The following CTTNBP2NL variants were observed in gnomAD, a reference collection of about 807,000 sequenced individuals.
The protein encoded by CTTNBP2NL is CTTNBP2 N-terminal like.
Under a neutral mutation model 32.5 loss-of-function variants are expected in CTTNBP2NL, and 16 were observed. The observed-to-expected ratio is 0.49, with a 90% CI of 0.33 to 0.75. The LOEUF is 0.75. Among genes scored for constraint, CTTNBP2NL ranks in the 30% least tolerant of loss-of-function variants. CTTNBP2NL has a pLI of 0.02. For synonymous variants in CTTNBP2NL, 298 were observed against 289.4 expected (o/e 1.03, Z -0.30); for missense variants, 645 against 756.0 (o/e 0.85, Z 1.72).
intron 3 of CTTNBP2NL, among the ~76,000 whole-genome samples, chr1:112,423,956 C>A (rs1345504317): frequency 2.6e-5 from 4 of 152,220 alleles, no homozygotes. Context: ...CTCCTGACCT[C>A]AGGTGACCCA....
At chr1:112,398,821 A>G (rs931044836) in intron 1 of CTTNBP2NL, among the ~76,000 whole-genome samples, 2 of 150,640 alleles carry the variant, frequency 1.3e-5, no homozygotes. Context: ...TCTTAACAAA[A>G]AAAAAAAAAA....
intron 4 of CTTNBP2NL, among the ~76,000 whole-genome samples, chr1:112,453,778 C>T (rs1650290868): frequency 6.6e-6 from 1 of 151,896 alleles, no homozygotes; most frequent in Non-Finnish European, 1.5e-5. Flanking sequence ...TTTGTCTTCT[C>T]CTTAAAATTG....
intron 4 of CTTNBP2NL, among the ~76,000 whole-genome samples, chr1:112,452,470 G>A (rs1327735215): frequency 4.0e-5 from 6 of 148,498 alleles, no homozygotes; most frequent in Non-Finnish European, 7.4e-5. Context: ...TCAGCCTCCC[G>A]AGTAGCTGGG....
chr1:112,449,171 A>T lies in CTTNBP2NL; in HGVS notation c.329A>T (p.Lys110Met). ...QLAAAESRHR[K>M]VILDLEEERQ... Reference sequence around the variant, plus strand: ...GCTGCTGCTGAGAGCAGGCACCGAAAGGTAGGTTCACCTCAGTTGATGTGT... The same window carrying T: ...GCTGCTGCTGAGAGCAGGCACCGAATGGTAGGTTCACCTCAGTTGATGTGT... Residue 110 changes from lysine to methionine, a missense_variant and splice_region_variant, in exon 4 of 6, where the codon AAG becomes ATG. Coordinates refer to ENST00000271277, the MANE Select transcript of CTTNBP2NL (RefSeq NM_018704.3). The T allele has an allele frequency of 6.3e-7, 1 of 1,581,444 alleles. No homozygotes were observed.
At position 112,452,335 on chromosome 1, in the gene CTTNBP2NL, C is replaced by CTTCTT. The variant is rs1553227272; in HGVS notation, c.331-2112_331-2111insCTTTT. Among the ~76,000 whole-genome samples the CTTCTT allele has an allele frequency of 1.5e-3, 101 of 65,724 alleles. 1 individual carries two copies. The highest frequency in any genetic ancestry group is 6.0e-3 in the African/African-American group (99 of 16,416). The allele number at this position is 65,724 out of a possible 152,430, so 43.1% of individuals were successfully genotyped here. A position where few individuals can be genotyped will look rare whatever the true frequency, so the allele number is the denominator to read the frequency against. ...GCATACACCACAGCACCAGTCTCTT[C>CTTCTT]TTTTTTTTTTTTTTTTTTTTTTTTT... On this transcript the variant is annotated intron_variant, in intron 4 of 5. Transcript: ENST00000271277.
At chr1:112,407,967 A>G (rs1335225573) in intron 1 of CTTNBP2NL, among the ~76,000 whole-genome samples, 2 of 145,974 alleles carry the variant, frequency 1.4e-5, no homozygotes, top group Non-Finnish European at 3.0e-5. Flanking sequence ...GCCTCAGCCT[A>G]CCAAGTAGCT....
At chr1:112,447,198 C>T (rs1650071544) in intron 3 of CTTNBP2NL, among the ~76,000 whole-genome samples, 1 of 150,046 alleles carries the variant, frequency 6.7e-6, no homozygotes, top group Non-Finnish European at 1.5e-5. Flanking sequence ...GGCGTGAACC[C>T]AAGAGGTGGA....
intron 2 of CTTNBP2NL, among the ~76,000 whole-genome samples, chr1:112,413,692 G>T (rs1444832528): frequency 1.3e-5 from 2 of 152,080 alleles, no homozygotes; most frequent in Non-Finnish European, 2.9e-5. Flanking sequence ...TAAAATAAAT[G>T]TTATCAGATA....
intron 1 of CTTNBP2NL, among the ~76,000 whole-genome samples, chr1:112,405,794 G>C (rs2100993411): frequency 6.6e-6 from 1 of 152,290 alleles, no homozygotes; most frequent in South Asian, 2.1e-4. Context: ...CACTCACAGA[G>C]AGATATAGCA....
At chr1:112,408,558 C>T (rs1230195863) in intron 1 of CTTNBP2NL, among the ~76,000 whole-genome samples, 2 of 152,058 alleles carry the variant, frequency 1.3e-5, no homozygotes, top group African/African-American at 4.8e-5. Context: ...GTTTTGTATA[C>T]ATTTTAATTT....
chr1:112,435,416 A>G (rs1005075822), intron 3 of CTTNBP2NL, among the ~76,000 whole-genome samples: 3 of 152,150 alleles, frequency 2.0e-5, no homozygotes, highest in Non-Finnish European at 4.4e-5. Context: ...CCAAGTAAGT[A>G]CTTCATAAGT....
intron 3 of CTTNBP2NL, among the ~76,000 whole-genome samples, chr1:112,420,248 T>C (rs1649187051): frequency 6.6e-6 from 1 of 150,974 alleles, no homozygotes; most frequent in African/African-American, 2.4e-5. Context: ...TGAGTTCAAG[T>C]GATTCTCCTG....
intron 1 of CTTNBP2NL, among the ~76,000 whole-genome samples, chr1:112,407,570 T>C (rs914628687): frequency 1.3e-5 from 2 of 152,208 alleles, no homozygotes; most frequent in African/African-American, 4.8e-5. Context: ...AGAGATCCTG[T>C]TTCCAAAATC....
intron 4 of CTTNBP2NL, among the ~76,000 whole-genome samples, 153 bp downstream of exon 4, chr1:112,449,325 TAAA>T (rs1253962292): frequency 1.0e-5 from 1 of 97,100 alleles, no homozygotes; most frequent in African/African-American, 3.2e-5. Flanking sequence ...AGCCAGGAGA[TAAA>T]AAAGAAAACA....
intron 1 of CTTNBP2NL, among the ~76,000 whole-genome samples, chr1:112,401,258 G>A (rs187196839): frequency 1.2e-3 from 185 of 152,308 alleles, no homozygotes; most frequent in Middle Eastern, 6.8e-3. Context: ...GTTTGCATAT[G>A]TCATGATCTC....
rs1189776402 is a variant in CTTNBP2NL at position 112,454,495 on chromosome 1, C to T, written c.377C>T (p.Thr126Met). 4.3e-6 allele frequency: 7 copies of T among 1,613,666 alleles called. No homozygotes were observed. The highest frequency in any genetic ancestry group is 2.2e-5 in the East Asian group (1 of 44,884). Residue 126 changes from threonine (T) to methionine (M), a missense_variant, in exon 5 of 6, where the codon ACG (threonine) becomes ATG (methionine). Physicochemically the swap from Thr to Met is moderately conservative, Grantham distance 81. Transcript: ENST00000271277. ...EEERQRHAQD[T>M]AEGDDVTYML... ...GAAAGGCAGCGGCATGCACAGGATACGGCTGAAGGAGATGATGTCACCTAC... is the reference window on the plus strand; with the variant it reads ...GAAAGGCAGCGGCATGCACAGGATATGGCTGAAGGAGATGATGTCACCTAC...
chr1:112,437,173 A>C (rs1649759849), intron 3 of CTTNBP2NL, among the ~76,000 whole-genome samples: 1 of 152,098 alleles, frequency 6.6e-6, no homozygotes, highest in Admixed American at 6.6e-5. Flanking sequence ...GATTACTGGT[A>C]GTTCTGTTTT....
intron 1 of CTTNBP2NL, among the ~76,000 whole-genome samples, chr1:112,400,129 T>G (rs974113367): frequency 3.9e-5 from 6 of 152,194 alleles, no homozygotes; most frequent in Non-Finnish European, 8.8e-5. Flanking sequence ...TAACTAAAAT[T>G]TAAATCTTCC....
At chr1:112,445,410 T>C (rs1160789317) in intron 3 of CTTNBP2NL, among the ~76,000 whole-genome samples, 1 of 152,210 alleles carries the variant, frequency 6.6e-6, no homozygotes, top group Admixed American at 6.5e-5. Flanking sequence ...TTTATACTGT[T>C]AAACCTGTAA....
Sources: allele counts gnomAD v4.1 joint callset (sites outside exome capture counted in the v4.1 genomes callset), GRCh38; gene constraint gnomAD v4.1.1; transcripts MANE v1.5; gene names NCBI Gene and HGNC (gene_info 2026-07-23, HGNC 2026-07-21).